Variants in SPAG6 observed in about 807,000 individuals in gnomAD.
SPAG6 encodes the protein sperm-associated antigen 6.
Under a neutral mutation model 58.5 loss-of-function variants are expected in SPAG6, and 49 were observed. The observed-to-expected ratio is 0.84, with a 90% CI of 0.67 to 1.06. SPAG6 has a LOEUF of 1.06. Ranked by LOEUF, SPAG6 falls within the 50% of genes least tolerant of loss-of-function variation. The pLI is 0.00. For synonymous variants in SPAG6, 233 were observed against 225.6 expected (o/e 1.03, Z -0.29); for missense variants, 560 against 611.3 (o/e 0.92, Z 0.89).
chr10:22,370,762 G>C (rs1833665161), intron 4 of SPAG6, among the ~76,000 whole-genome samples: 2 of 152,182 alleles, frequency 1.3e-5, no homozygotes, highest in African/African-American at 2.4e-5. Flanking sequence ...TTCACCTTAA[G>C]ACTATTGTTT....
chr10:22,399,067 C>T (rs988661459), intron 8 of SPAG6, among the ~76,000 whole-genome samples: 3 of 152,152 alleles, frequency 2.0e-5, no homozygotes, highest in Non-Finnish European at 2.9e-5. Context: ...GATCCATCTC[C>T]CTTGGCCTCC....
chr10:22,374,068 G>A (rs1212980643), intron 4 of SPAG6, among the ~76,000 whole-genome samples: 4 of 152,160 alleles, frequency 2.6e-5, no homozygotes, highest in Middle Eastern at 3.4e-3. Flanking sequence ...TTTATTTCTT[G>A]TAACATTTTT....
At chr10:22,359,143 T>C (rs886885963) in intron 2 of SPAG6, among the ~76,000 whole-genome samples, 14 of 152,200 alleles carry the variant, frequency 9.2e-5, no homozygotes, top group Admixed American at 6.5e-5. Context: ...TTATTTCTTA[T>C]TGGACCCCAG....
intron 2 of SPAG6, among the ~76,000 whole-genome samples, chr10:22,361,778 AT>A (rs951691100): frequency 2.6e-5 from 4 of 152,004 alleles, no homozygotes; most frequent in Non-Finnish European, 5.9e-5. Flanking sequence ...ATAAACTAAA[AT>A]TTTTTAAAAT....
chr10:22,399,281 C>G (rs1834359961), intron 8 of SPAG6, among the ~76,000 whole-genome samples: 1 of 152,326 alleles, frequency 6.6e-6, no homozygotes, highest in Non-Finnish European at 1.5e-5. Flanking sequence ...AAGGAAGCCT[C>G]ATGCCCATTT....
At chr10:22,380,901 T>G (rs1213662464) in intron 4 of SPAG6, among the ~76,000 whole-genome samples, 1 of 152,058 alleles carries the variant, frequency 6.6e-6, no homozygotes, top group Non-Finnish European at 1.5e-5. Flanking sequence ...TGGATACATA[T>G]TTTTTTCTTT....
At chr10:22,408,213 G>T in intron 9 of SPAG6, among the ~76,000 whole-genome samples, 1 of 140,714 alleles carries the variant, frequency 7.1e-6, no homozygotes. Flanking sequence ...GAGGCGCTCT[G>T]CTTTTTAGAG....
At chr10:22,362,336 G>A (rs1347593669) in intron 2 of SPAG6, among the ~76,000 whole-genome samples, 1 of 151,016 alleles carries the variant, frequency 6.6e-6, no homozygotes, top group East Asian at 1.9e-4. Context: ...TACTTGTTTT[G>A]CCTCATTAAT....
At chr10:22,379,029 A>C (rs1405061265) in intron 4 of SPAG6, among the ~76,000 whole-genome samples, 1 of 152,220 alleles carries the variant, frequency 6.6e-6, no homozygotes, top group Non-Finnish European at 1.5e-5. Context: ...GGGTTAAACT[A>C]ATGGCTCTGA....
At chr10:22,348,606 C>T (rs1836632863) in intron 2 of SPAG6, among the ~76,000 whole-genome samples, 2 of 152,040 alleles carry the variant, frequency 1.3e-5, no homozygotes, top group African/African-American at 4.8e-5. Context: ...CCAGTAATTC[C>T]CTTGTTAAGA....
chr10:22,375,844 T>G (rs1416582250), intron 4 of SPAG6, among the ~76,000 whole-genome samples: 2 of 152,184 alleles, frequency 1.3e-5, no homozygotes, highest in Non-Finnish European at 2.9e-5. Flanking sequence ...CCCAAAGTGC[T>G]GGGACTACAG....
chr10:22,407,777 A>G (rs1641395108), intron 9 of SPAG6, among the ~76,000 whole-genome samples: 2 of 152,064 alleles, frequency 1.3e-5, no homozygotes, highest in South Asian at 2.1e-4. Flanking sequence ...AGGTACACCA[A>G]TCAGACGTAG....
intron 4 of SPAG6, among the ~76,000 whole-genome samples, chr10:22,375,876 C>CA (rs1833804725): frequency 6.6e-6 from 1 of 152,092 alleles, no homozygotes; most frequent in Admixed American, 6.5e-5. Flanking sequence ...TGTGCCCGGC[C>CA]ACCTCAAAGG....
rs540255835 is a variant in SPAG6, at chr10:22,417,254, C to T, written c.*566C>T. 3 of 152,352 alleles carry T rather than the reference C, an allele frequency of 2.0e-5. No homozygotes were observed. Among genetic ancestry groups the T allele is most frequent in the South Asian group, 4.1e-4 (2 of 4,828 alleles). The allele number at this position is 152,352 out of a possible 1,614,324, so 9.4% of individuals were successfully genotyped here. A position where few individuals can be genotyped will look rare whatever the true frequency, so the allele number is the denominator to read the frequency against. ...CTAAGAATTTAGGAAAAATTTACTC[C>T]TCTTTATCACAAGTTTTCCAAACCT... On this transcript the variant is annotated 3_prime_UTR_variant, in exon 11 of 11. Coordinates refer to ENST00000376624, the MANE Select transcript of SPAG6 (RefSeq NM_012443.4).
chr10:22,391,335 G>A (rs1834178849), intron 7 of SPAG6, among the ~76,000 whole-genome samples: 1 of 152,108 alleles, frequency 6.6e-6, no homozygotes, highest in African/African-American at 2.4e-5. Flanking sequence ...TTGGTGAAAA[G>A]ACAATTTCTT....
chr10:22,404,023 T>G (rs1834483637), intron 9 of SPAG6, among the ~76,000 whole-genome samples: 1 of 142,942 alleles, frequency 7.0e-6, no homozygotes, highest in Admixed American at 7.0e-5. Flanking sequence ...TCATTGTAGA[T>G]TCTGGATATT....
At chr10:22,349,825 T>G (rs1232490616) in intron 2 of SPAG6, among the ~76,000 whole-genome samples, 1 of 152,172 alleles carries the variant, frequency 6.6e-6, no homozygotes, top group Non-Finnish European at 1.5e-5. Context: ...GGGTTCAGAA[T>G]TCAAGAAAAT....
In SPAG6 at chr10:22,349,672, A is replaced by G. The variant is rs374690739; in HGVS notation, c.121+3854A>G. ...GGGGTAAAGTTTAAAATATTACTCA[A>G]AATTTTACATATTACAACCTATAGT... On this transcript the variant is annotated intron_variant, in intron 2 of 10. Transcript: ENST00000376624. 1.2e-4 allele frequency among the ~76,000 whole-genome samples: 18 copies of G among 152,334 alleles called. No individual in the cohort carries two copies. In the East Asian group the frequency reaches 3.3e-3, roughly 28 times the overall value.
chr10:22,412,397 G>A lies in SPAG6; in HGVS notation c.1460+1221G>A, dbSNP rs1181916378. The A allele has an allele frequency of 4.0e-6, 4 of 998,866 alleles. No individual in the cohort carries two copies. In the African/African-American group the frequency reaches 4.8e-5, roughly 12 times the overall value. The allele number at this position is 998,866 out of a possible 1,614,324, so 61.9% of individuals were successfully genotyped here. A position where few individuals can be genotyped will look rare whatever the true frequency, so the allele number is the denominator to read the frequency against. On this transcript the variant is annotated intron_variant, in intron 10 of 10. Coordinates refer to ENST00000376624, the MANE Select transcript of SPAG6 (RefSeq NM_012443.4). ...TAACATTAATTTTAAAAGCACAAAAGCAATTTTAAGATTAAAATTTGTTTT... is the reference window on the plus strand; with the variant it reads ...TAACATTAATTTTAAAAGCACAAAAACAATTTTAAGATTAAAATTTGTTTT...
Sources: allele counts gnomAD v4.1 joint callset (sites outside exome capture counted in the v4.1 genomes callset), GRCh38; gene constraint gnomAD v4.1.1; transcripts MANE v1.5; gene names NCBI Gene and HGNC (gene_info 2026-07-23, HGNC 2026-07-21).